EPHA6: variants seen among roughly 807,000 people sequenced by gnomAD.
EPHA6 encodes the protein EPH receptor A6.
In EPHA6, 50 loss-of-function variants were observed where a neutral mutation model predicts 112.0. The ratio of observed to expected loss-of-function variants is 0.45; its 90% CI spans 0.36 to 0.56. The LOEUF is 0.56. Ranked by LOEUF, EPHA6 falls within the 20% of genes least tolerant of loss-of-function variation. EPHA6 has a pLI of 0.00. For missense variants in EPHA6, 1,280 were observed against 1,417.4 expected (o/e 0.90, Z 1.56); for synonymous variants, 529 against 490.7 (o/e 1.08, Z -1.03).
intron 10 of EPHA6, among the ~76,000 whole-genome samples, chr3:97,524,084 T>G (rs1223712033): frequency 6.6e-6 from 1 of 152,092 alleles, no homozygotes; most frequent in Non-Finnish European, 1.5e-5. Context: ...CTCTTTACAT[T>G]TAAAATTAGT....
At chr3:97,368,530 A>G (rs1483135947) in intron 5 of EPHA6, among the ~76,000 whole-genome samples, 5 of 152,214 alleles carry the variant, frequency 3.3e-5, no homozygotes, top group Admixed American at 1.3e-4. Context: ...CATAACAACC[A>G]TATATATGAG....
Position 97,465,200 on chromosome 3 carries a change from G to A in EPHA6, c.1895-10152G>A, listed in dbSNP as rs555236718. ...TAGAAAGATATTTACTCCCACATTT[G>A]TAGATCCTAATATTAAGCTTCATTT... On this transcript the variant is annotated intron_variant, in intron 7 of 17. Transcript: ENST00000389672. 1.0e-3 allele frequency among the ~76,000 whole-genome samples: 154 copies of A among 152,144 alleles called. 2 individuals carry two copies. Among genetic ancestry groups the A allele is most frequent in the African/African-American group, 3.5e-3 (146 of 41,532 alleles).
chr3:97,622,139 G>A (rs920834824), intron 13 of EPHA6, among the ~76,000 whole-genome samples: 28 of 151,740 alleles, frequency 1.8e-4, no homozygotes, highest in African/African-American at 6.0e-4. Context: ...ATATCATTGT[G>A]CAAATATCAC....
At chr3:97,004,243 A>T (rs1334453092) in intron 3 of EPHA6, among the ~76,000 whole-genome samples, 1 of 152,170 alleles carries the variant, frequency 6.6e-6, no homozygotes, top group Non-Finnish European at 1.5e-5. Context: ...TGGTTGAACT[A>T]ATTTACATTC....
chr3:97,574,960 A>G (rs574867041), intron 11 of EPHA6, among the ~76,000 whole-genome samples: 2 of 152,164 alleles, frequency 1.3e-5, no homozygotes, highest in South Asian at 2.1e-4. Context: ...CCAAACCTCT[A>G]CATTATGCAA....
intron 3 of EPHA6, among the ~76,000 whole-genome samples, chr3:97,066,946 G>A (rs555753725): frequency 1.3e-5 from 2 of 151,790 alleles, no homozygotes; most frequent in East Asian, 1.9e-4. Context: ...ATATAGAGGC[G>A]GACTCCTAGT....
chr3:97,159,618 T>C (rs968208482), intron 3 of EPHA6, among the ~76,000 whole-genome samples: 4 of 152,108 alleles, frequency 2.6e-5, no homozygotes, highest in Admixed American at 6.6e-5. Context: ...CTGTAAGATA[T>C]TGCTACCTTA....
At chr3:97,040,854 A>T (rs1219672619) in intron 3 of EPHA6, among the ~76,000 whole-genome samples, 3 of 152,028 alleles carry the variant, frequency 2.0e-5, no homozygotes, top group African/African-American at 7.2e-5. Flanking sequence ...ATCAGTGGTA[A>T]AAATATTGTT....
At chr3:97,032,120 A>C (rs2044877392) in intron 3 of EPHA6, among the ~76,000 whole-genome samples, 1 of 152,168 alleles carries the variant, frequency 6.6e-6, no homozygotes, top group African/African-American at 2.4e-5. Flanking sequence ...TGCAGCCATA[A>C]AAAAGGATGA....
chr3:97,485,165 G>A (rs1231529400), intron 10 of EPHA6, among the ~76,000 whole-genome samples: 2 of 152,190 alleles, frequency 1.3e-5, no homozygotes, highest in Non-Finnish European at 2.9e-5. Flanking sequence ...GGCCATTCCA[G>A]CCAGGTGTCA....
At chr3:97,350,216 A>G (rs544555717) in intron 5 of EPHA6, among the ~76,000 whole-genome samples, 1 of 152,262 alleles carries the variant, frequency 6.6e-6, no homozygotes, top group South Asian at 2.1e-4. Context: ...CCTGACCATA[A>G]AAGGCACTCA....
chr3:97,226,176 T>G, intron 3 of EPHA6, 88 bp from the exon 4 acceptor site: 1 of 1,045,776 alleles, frequency 9.6e-7, no homozygotes, highest in Non-Finnish European at 1.3e-6. Context: ...AGATCCAATG[T>G]GAATATAAAT....
At chr3:97,581,152 C>T (rs150270590) in intron 11 of EPHA6, among the ~76,000 whole-genome samples, 23 of 152,270 alleles carry the variant, frequency 1.5e-4, no homozygotes, top group Admixed American at 5.2e-4. Flanking sequence ...ACATATGCAA[C>T]CCTGGGATAA....
chr3:97,536,015 T>G (rs1432330345), intron 11 of EPHA6, among the ~76,000 whole-genome samples: 1 of 152,138 alleles, frequency 6.6e-6, no homozygotes, highest in East Asian at 1.9e-4. Flanking sequence ...CCTATTTGTT[T>G]GATATGCATC....
intron 3 of EPHA6, among the ~76,000 whole-genome samples, chr3:97,186,280 G>A (rs1252071256): frequency 6.6e-6 from 1 of 152,002 alleles, no homozygotes; most frequent in African/African-American, 2.4e-5. Context: ...AGAATTTGGG[G>A]CCCCAAGATT....
rs138097731 is a variant in EPHA6 at position 97,084,817 on chromosome 3, C to T, written c.1114+96824C>T. ...GAAGACTCAACATCATTAAAATGGC[C>T]GTACTACCCAAAGGCTACAATAACC... On this transcript the variant is annotated intron_variant, in intron 3 of 17. Coordinates refer to ENST00000389672, the MANE Select transcript of EPHA6 (RefSeq NM_001080448.3). 9.2e-5 allele frequency among the ~76,000 whole-genome samples: 14 copies of T among 152,086 alleles called. No homozygotes were observed. In the East Asian group the frequency reaches 2.1e-3, roughly 23 times the overall value.
intron 10 of EPHA6, among the ~76,000 whole-genome samples, chr3:97,509,548 G>A (rs2092326514): frequency 6.6e-6 from 1 of 152,120 alleles, no homozygotes; most frequent in South Asian, 2.1e-4. Flanking sequence ...TTTCTGCAGA[G>A]AGATCAGCTG....
chr3:97,285,119 G>A (rs903146620), intron 5 of EPHA6, among the ~76,000 whole-genome samples: 1 of 151,982 alleles, frequency 6.6e-6, no homozygotes, highest in Non-Finnish European at 1.5e-5. Flanking sequence ...CAAATACCAC[G>A]ACTCTTCATC....
intron 14 of EPHA6, among the ~76,000 whole-genome samples, chr3:97,694,891 CTTCATGCGAA>C (rs2032930489): frequency 6.6e-6 from 1 of 152,186 alleles, no homozygotes; most frequent in African/African-American, 2.4e-5. Flanking sequence ...TGCCTTTGAC[CTTCATGCGAA>C]TTCCACAGCA....
Sources: gnomAD v4.1 joint callset for allele counts (sites outside exome capture counted in the v4.1 genomes callset) on GRCh38, gnomAD v4.1.1 for gene constraint, MANE v1.5 for transcripts, NCBI Gene and HGNC (gene_info 2026-07-23, HGNC 2026-07-21) for gene names.